UGT3A1: variants seen among roughly 807,000 people sequenced by gnomAD.
UGT3A1 encodes the protein UDP glycosyltransferase family 3 member A1.
UGT3A1 carries 40 observed loss-of-function variants against 37.6 expected under a neutral mutation model. The observed-to-expected ratio is 1.06, with a 90% CI of 0.83 to 1.38. UGT3A1 has a LOEUF of 1.38. Ranked by LOEUF, UGT3A1 falls within the 40% of genes most tolerant of loss-of-function variation. The pLI, the probability that UGT3A1 is intolerant of heterozygous loss-of-function variation, is 0.00. For synonymous variants in UGT3A1, 256 were observed against 232.3 expected, an observed-to-expected ratio of 1.10 and a Z score of -0.93; for missense variants, 642 against 634.2, an observed-to-expected ratio of 1.01 and a Z score of -0.13.
intron 2 of UGT3A1, 58 bp from the exon 3 acceptor site, chr5:35,968,191 T>C (rs752406960): frequency 4.7e-5 from 46 of 984,028 alleles, no homozygotes; most frequent in Non-Finnish European, 6.7e-5. Context: ...GGATTAACAT[T>C]AGCATGATGA....
intron 1 of UGT3A1, among the ~76,000 whole-genome samples, chr5:36,000,608 A>T (rs1741199253): frequency 6.6e-6 from 1 of 152,238 alleles, no homozygotes; most frequent in Non-Finnish European, 1.5e-5. Context: ...TTTACTAAAC[A>T]TCAATCTTCA....
In UGT3A1 at chr5:35,964,095, GGT is replaced by G. The variant is rs1739699813; in HGVS notation, c.843+1289_843+1290del. 2.5e-4 allele frequency among the ~76,000 whole-genome samples: 8 copies of G among 31,696 alleles called. No homozygotes were observed. In the Admixed American group the frequency reaches 3.0e-3, roughly 12 times the overall value. The allele number at this position is 31,696 out of a possible 152,430, so 20.8% of individuals were successfully genotyped here. A position where few individuals can be genotyped will look rare whatever the true frequency, so the allele number is the denominator to read the frequency against. On this transcript the variant is annotated intron_variant, in intron 4 of 6. Transcript: ENST00000274278. ...GCCACTGAAGCATACCCTTAAAAAT[GGT>G]TAAAGTGGTATATTTTATATTATAA...
At chr5:35,973,427 G>A (rs1352548014) in intron 2 of UGT3A1, among the ~76,000 whole-genome samples, 1 of 152,144 alleles carries the variant, frequency 6.6e-6, no homozygotes, top group East Asian at 1.9e-4. Flanking sequence ...GAGGCCACTA[G>A]ACAGAGATTC....
rs761189829 is a variant in UGT3A1 at position 35,965,913 on chromosome 5, C to A, written c.316G>T (p.Glu106Ter). 2 of 1,536,174 alleles carry A rather than the reference C, an allele frequency of 1.3e-6. No homozygotes were observed. The highest frequency in any genetic ancestry group is 2.2e-5 in the Admixed American group (1 of 46,186). The change falls in exon 4 of 7, where the codon GAA becomes TAA. Residue 106 changes from glutamate (E) to a stop codon, truncating the protein, a stop_gained. Transcript: ENST00000274278. LOFTEE classifies it high-confidence loss of function. ...YIETALDGRK[E>*]SEALVKLMEI... ...ATTAGCTTTACAAGGGCTTCAGATT[C>A]TTTTCTGTAATAAAGAAAATAAATA...
rs1445347944 is a variant in UGT3A1, at chr5:35,951,135, T to G, written c.*3067A>C. On this transcript the variant is annotated 3_prime_UTR_variant, in exon 7 of 7. Coordinates refer to ENST00000274278, the MANE Select transcript of UGT3A1 (RefSeq NM_152404.4). Reference sequence around the variant, plus strand: ...AGTTACATTTTCATTTGGAAAAAATTGATTTCATTTGTTTCCGTTTGTATT... The same window carrying G: ...AGTTACATTTTCATTTGGAAAAAATGGATTTCATTTGTTTCCGTTTGTATT... 6.6e-6 allele frequency: 1 copy of G among 152,212 alleles called. No individual in the cohort carries two copies. Among genetic ancestry groups the G allele is most frequent in the African/African-American group, 2.4e-5 (1 of 41,478 alleles). The allele number at this position is 152,212 out of a possible 1,614,324, so 9.4% of individuals were successfully genotyped here. A position where few individuals can be genotyped will look rare whatever the true frequency, so the allele number is the denominator to read the frequency against.
intron 2 of UGT3A1, among the ~76,000 whole-genome samples, chr5:35,976,987 A>G (rs1421965022): frequency 2.7e-5 from 4 of 150,454 alleles, no homozygotes; most frequent in Non-Finnish European, 4.4e-5. Context: ...AGAGAAGAGA[A>G]AGAGAAAGAA....
At chr5:35,989,563 C>T (rs1483191492) in intron 1 of UGT3A1, among the ~76,000 whole-genome samples, 1 of 152,188 alleles carries the variant, frequency 6.6e-6, no homozygotes, top group Non-Finnish European at 1.5e-5. Context: ...TACAAATCTG[C>T]AACGGTCTTG....
chr5:35,970,032 T>C (rs1739970337), intron 2 of UGT3A1, among the ~76,000 whole-genome samples: 1 of 152,128 alleles, frequency 6.6e-6, no homozygotes, highest in Non-Finnish European at 1.5e-5. Flanking sequence ...GCAAGTCATG[T>C]CTTACATAGG....
chr5:35,968,030 T>C lies in UGT3A1; in HGVS notation c.300A>G (p.Ala100=), dbSNP rs753275030. The C allele has an allele frequency of 6.8e-6, 11 of 1,611,814 alleles. No homozygotes were observed. Among genetic ancestry groups the C allele is most frequent in the Middle Eastern group, 1.7e-4 (1 of 6,054 alleles). ...TGAAAAGAAGTTACCTGCCATCCAA[T>C]GCTGTTTCTATGTAGCTATCAAAAT... The part of the protein sequence containing the change: ...KKHFDSYIET[A]LDGRKESEAL... Residue 100 remains alanine, a synonymous_variant, in exon 3 of 7, where the codon GCA becomes GCG. Transcript: ENST00000274278.
At chr5:35,977,770 C>T (rs1307727657) in intron 2 of UGT3A1, among the ~76,000 whole-genome samples, 2 of 152,096 alleles carry the variant, frequency 1.3e-5, no homozygotes, top group Non-Finnish European at 2.9e-5. Flanking sequence ...AATACAATAA[C>T]GTTAATTAAA....
chr5:35,996,850 T>C (rs1241451444), intron 2 of UGT3A1, among the ~76,000 whole-genome samples: 1 of 152,220 alleles, frequency 6.6e-6, no homozygotes, highest in Non-Finnish European at 1.5e-5. Context: ...TCCTTTTAGC[T>C]TCCCCAATCT....
intron 2 of UGT3A1, among the ~76,000 whole-genome samples, chr5:35,969,871 ATTG>A (rs1284093373): frequency 6.6e-6 from 1 of 152,202 alleles, no homozygotes; most frequent in African/African-American, 2.4e-5. Context: ...CATCTTAAGC[ATTG>A]GTACTAAATA....
At chr5:35,972,218 G>A (rs1238578337) in intron 2 of UGT3A1, among the ~76,000 whole-genome samples, 1 of 152,120 alleles carries the variant, frequency 6.6e-6, no homozygotes, top group Non-Finnish European at 1.5e-5. Context: ...TCTAGGTGTT[G>A]ATATGAAAAT....
In UGT3A1 at chr5:35,991,327, A is replaced by G. The variant is rs1207165591; in HGVS notation, c.-87T>C. On this transcript the variant is annotated 5_prime_UTR_variant, in exon 1 of 7. Coordinates refer to ENST00000274278, the MANE Select transcript of UGT3A1 (RefSeq NM_152404.4). ...ACTCTGTGCGCGCCTCAGTACTCCA[A>G]AGGCACTGGCTGTGGGCCTAGGAAG... 6.3e-7 allele frequency: 1 copy of G among 1,583,912 alleles called. No individual in the cohort carries two copies.
At chr5:35,986,106 G>A (rs1263254382) in intron 2 of UGT3A1, among the ~76,000 whole-genome samples, 2 of 152,074 alleles carry the variant, frequency 1.3e-5, no homozygotes, top group African/African-American at 4.8e-5. Flanking sequence ...TTTATCCTCA[G>A]AAAAATGCAA....
chr5:35,984,999 T>G (rs956502045), intron 2 of UGT3A1, among the ~76,000 whole-genome samples: 4 of 151,056 alleles, frequency 2.6e-5, no homozygotes, highest in African/African-American at 9.8e-5. Flanking sequence ...CTAATAAAGA[T>G]TGTTAGAGAC....
At position 35,955,697 on chromosome 5, in the gene UGT3A1, C is replaced by G. The variant is rs1277292510; in HGVS notation, c.1243G>C (p.Val415Leu). Reference protein sequence around the residue: ...NYGVSIRLNQVTADTLTLTMK... With the variant: ...NYGVSIRLNQLTADTLTLTMK... ...GTAAGTGTCAGTGTGTCGGCTGTGA[C>G]CTGATTCAACCGGATAGAGACACCA... The change falls in exon 6 of 7, where the codon GTC becomes CTC. Residue 415 changes from valine (V) to leucine (L), a missense_variant. Physicochemically the swap from Val to Leu is conservative, Grantham distance 32. Transcript: ENST00000274278. 1.2e-6 allele frequency: 2 copies of G among 1,614,082 alleles called. No individual in the cohort carries two copies. The highest frequency in any genetic ancestry group is 1.7e-6 in the Non-Finnish European group (2 of 1,180,050).
chr5:35,967,996 T>C, intron 3 of UGT3A1, 23 bp downstream of exon 3: 1 of 1,560,498 alleles, frequency 6.4e-7, no homozygotes, highest in Non-Finnish European at 8.8e-7. Context: ...GACTCTTTGC[T>C]TCATAGAATG....
intron 2 of UGT3A1, among the ~76,000 whole-genome samples, chr5:35,982,564 C>T (rs572460145): frequency 6.6e-6 from 1 of 152,254 alleles, no homozygotes; most frequent in South Asian, 2.1e-4. Flanking sequence ...TGCCTATCCT[C>T]TCATGGTATC....
Sources: allele counts gnomAD v4.1 joint callset (sites outside exome capture counted in the v4.1 genomes callset), GRCh38; gene constraint gnomAD v4.1.1; transcripts MANE v1.5; gene names NCBI Gene and HGNC (gene_info 2026-07-23, HGNC 2026-07-21).